LRP1B: variants seen among roughly 807,000 people sequenced by gnomAD.
LRP1B encodes the protein LDL receptor related protein 1B.
LRP1B carries 217 observed loss-of-function variants against 556.6 expected under a neutral mutation model. The observed-to-expected ratio is 0.39, with a 90% CI of 0.35 to 0.44. The LOEUF (loss-of-function observed/expected upper bound fraction) is 0.44, where lower values mean the gene tolerates loss of function less well. LRP1B is among the 20% of genes least tolerant of loss of function. The pLI is 1.00. For synonymous variants in LRP1B, 2,047 were observed against 1,865.8 expected (o/e 1.10, Z -2.50); for missense variants, 5,053 against 5,620.8 (o/e 0.90, Z 3.23).
intron 2 of LRP1B, among the ~76,000 whole-genome samples, chr2:141,736,454 G>A (rs921442379): frequency 6.6e-6 from 1 of 152,164 alleles, no homozygotes; most frequent in African/African-American, 2.4e-5. Flanking sequence ...TTTGGACACA[G>A]AGACACATAA....
chr2:140,235,533 C>T (rs559222421), intron 89 of LRP1B, among the ~76,000 whole-genome samples: 122 of 151,154 alleles, frequency 8.1e-4, no homozygotes, highest in African/African-American at 2.8e-3. Context: ...TCTGTAGTTA[C>T]TCATTTGACA....
chr2:141,697,236 T>C (rs183732035), intron 2 of LRP1B, among the ~76,000 whole-genome samples: 1 of 151,960 alleles, frequency 6.6e-6, no homozygotes, highest in Admixed American at 6.6e-5. Flanking sequence ...GTAATCAGCA[T>C]AAAATTTGTC....
chr2:141,108,129 T>C (rs1700653577), intron 7 of LRP1B, among the ~76,000 whole-genome samples: 1 of 152,108 alleles, frequency 6.6e-6, no homozygotes, highest in African/African-American at 2.4e-5. Context: ...GGAATTGTAA[T>C]CTGCATTCCT....
chr2:141,047,945 TA>T (rs1424781612), intron 11 of LRP1B, among the ~76,000 whole-genome samples: 1 of 152,118 alleles, frequency 6.6e-6, no homozygotes, highest in Admixed American at 6.6e-5. Context: ...TTCCTGTGAA[TA>T]TCCATTACAT....
At chr2:141,753,681 A>G (rs1372590399) in intron 2 of LRP1B, among the ~76,000 whole-genome samples, 2 of 152,102 alleles carry the variant, frequency 1.3e-5, no homozygotes, top group African/African-American at 4.8e-5. Flanking sequence ...TTCGTTATTG[A>G]AACCTCTCCA....
chr2:140,345,878 A>AT (rs200833593), intron 77 of LRP1B, among the ~76,000 whole-genome samples: 4,746 of 140,192 alleles, frequency 0.034, 211 homozygotes, highest in African/African-American at 0.074. Flanking sequence ...ATATATATAT[A>AT]AAAAAAATAG....
At chr2:141,912,562 A>G (rs1321469023) in intron 1 of LRP1B, among the ~76,000 whole-genome samples, 17 of 152,140 alleles carry the variant, frequency 1.1e-4, no homozygotes. Flanking sequence ...AACTCAGGCG[A>G]TGTGGGGAGA....
At chr2:141,149,769 G>A (rs761754338) in intron 7 of LRP1B, among the ~76,000 whole-genome samples, 13 of 152,236 alleles carry the variant, frequency 8.5e-5, no homozygotes, top group Admixed American at 6.5e-5. Flanking sequence ...CAGCAGGCCT[G>A]CAACCTCCAG....
intron 84 of LRP1B, among the ~76,000 whole-genome samples, chr2:140,292,861 C>T (rs1382073356): frequency 6.6e-6 from 1 of 152,088 alleles, no homozygotes; most frequent in African/African-American, 2.4e-5. Flanking sequence ...ATAATCCCAT[C>T]GTGTCATCAA....
chr2:142,032,880 G>C (rs1478110671), intron 1 of LRP1B, among the ~76,000 whole-genome samples: 1 of 151,794 alleles, frequency 6.6e-6, no homozygotes, highest in Non-Finnish European at 1.5e-5. Context: ...GTTGCTAGCT[G>C]ACTGATGATG....
chr2:140,272,895 T>C (rs951941365), intron 85 of LRP1B, among the ~76,000 whole-genome samples: 2 of 151,984 alleles, frequency 1.3e-5, no homozygotes, highest in African/African-American at 4.8e-5. Context: ...TATATATACA[T>C]TTCCAAAAAG....
At chr2:140,702,607 A>G (rs1686690192) in intron 37 of LRP1B, 54 bp from the exon 38 acceptor site, 1 of 1,542,994 alleles carries the variant, frequency 6.5e-7, no homozygotes, top group South Asian at 1.1e-5. Context: ...TGTAGTATGC[A>G]GAGCTATGCA....
At chr2:140,515,849 TAGG>T (rs974987176) in intron 50 of LRP1B, among the ~76,000 whole-genome samples, 60 of 152,084 alleles carry the variant, frequency 3.9e-4, no homozygotes, top group Non-Finnish European at 7.7e-4. Flanking sequence ...CATTTACTTT[TAGG>T]AGAGTTTGAC....
intron 18 of LRP1B, among the ~76,000 whole-genome samples, chr2:140,967,089 G>T (rs1000772451): frequency 1.2e-4 from 19 of 152,164 alleles, no homozygotes; most frequent in Non-Finnish European, 1.9e-4. Context: ...GAAACTCATT[G>T]GTAGCTTGAT....
At chr2:140,431,664 C>G (rs1190095743) in intron 66 of LRP1B, among the ~76,000 whole-genome samples, 1 of 152,182 alleles carries the variant, frequency 6.6e-6, no homozygotes, top group East Asian at 1.9e-4. Flanking sequence ...TGGGTCCTCC[C>G]AATTCTTAGG....
intron 2 of LRP1B, among the ~76,000 whole-genome samples, chr2:141,676,407 TA>T (rs1368327700): frequency 1.3e-5 from 2 of 152,194 alleles, no homozygotes; most frequent in African/African-American, 4.8e-5. Flanking sequence ...TGTCCTCTTT[TA>T]TAGGTGCCTT....
intron 1 of LRP1B, among the ~76,000 whole-genome samples, chr2:142,019,733 CAGG>C (rs1452179995): frequency 6.6e-6 from 1 of 152,146 alleles, no homozygotes; most frequent in Admixed American, 6.5e-5. Context: ...ACATCTGACC[CAGG>C]ATGACCATTG....
At chr2:141,165,196 G>A (rs941193535) in intron 7 of LRP1B, among the ~76,000 whole-genome samples, 1 of 151,612 alleles carries the variant, frequency 6.6e-6, no homozygotes, top group Non-Finnish European at 1.5e-5. Context: ...TCACAAAATC[G>A]GGGAGTTGAA....
chr2:141,060,103 C>T (rs560329530), intron 8 of LRP1B, among the ~76,000 whole-genome samples: 1 of 151,756 alleles, frequency 6.6e-6, no homozygotes, highest in Non-Finnish European at 1.5e-5. Flanking sequence ...TCTATTTTAA[C>T]CAGAAAATCT....
Sources: allele counts gnomAD v4.1 joint callset (sites outside exome capture counted in the v4.1 genomes callset), GRCh38; gene constraint gnomAD v4.1.1; transcripts MANE v1.5; gene names NCBI Gene and HGNC (gene_info 2026-07-23, HGNC 2026-07-21).